Variants in AGRN observed in about 807,000 individuals in gnomAD.
AGRN encodes agrin.
AGRN carries 106 observed loss-of-function variants against 211.0 expected under a neutral mutation model. The observed-to-expected ratio is 0.50, with a 90% CI of 0.43 to 0.59. The LOEUF (loss-of-function observed/expected upper bound fraction) is 0.59, where lower values mean the gene tolerates loss of function less well. AGRN is among the 20% of genes least tolerant of loss of function. The probability of loss-of-function intolerance (pLI) is 0.00; values close to 1 mark genes in which losing one functional copy is unlikely to be tolerated. For missense variants in AGRN, 3,040 were observed against 2,982.6 expected (o/e 1.02, Z -0.45); for synonymous variants, 1,525 against 1,332.5 (o/e 1.14, Z -3.15).
At position 1,042,172 on chromosome 1, in the gene AGRN, C is replaced by G. The variant is rs1293950817; in HGVS notation, c.1384+10C>G. On this transcript the variant is annotated intron_variant, in intron 7 of 35. Transcript: ENST00000379370. ...CACCAGGGCCCGTGTGGTGAGCGCC[C>G]CGGGGTGGAGGCCAGGCGGGGTGGG... 6.3e-7 allele frequency: 1 copy of G among 1,587,388 alleles called. No homozygotes were observed. Among genetic ancestry groups the G allele is most frequent in the East Asian group, 2.2e-5 (1 of 44,486 alleles).
intron 3 of AGRN, among the ~76,000 whole-genome samples, chr1:1,038,324 T>C (rs1644849896): frequency 6.6e-6 from 1 of 152,154 alleles, no homozygotes. Context: ...TCCCGCCAGG[T>C]ACCCAAGGTC....
intron 1 of AGRN, 105 bp from the exon 2 acceptor site, chr1:1,022,096 A>G: frequency 6.9e-7 from 1 of 1,446,634 alleles, no homozygotes; most frequent in Non-Finnish European, 9.6e-7. Flanking sequence ...ATCTCTGCCC[A>G]GGGCTTGAGT....
chr1:1,045,637 G>C (rs974711175), intron 14 of AGRN, 96 bp from the exon 15 acceptor site: 4 of 1,608,016 alleles, frequency 2.5e-6, no homozygotes, highest in Admixed American at 1.7e-5. Context: ...CCTGGCTGGG[G>C]GCTGGGCAGA....
intron 3 of AGRN, among the ~76,000 whole-genome samples, chr1:1,036,041 C>T (rs1170577445): frequency 1.3e-5 from 2 of 151,916 alleles, no homozygotes; most frequent in African/African-American, 2.4e-5. Context: ...GCCTGGGGTC[C>T]TTTCCAGCAG....
intron 7 of AGRN, 42 bp from the exon 8 acceptor site, chr1:1,043,197 G>T (rs200373411): frequency 1.3e-6 from 2 of 1,554,918 alleles, no homozygotes; most frequent in Admixed American, 2.0e-5. Context: ...CTGCAGCGGA[G>T]GGGGGGCTTG....
chr1:1,028,151 G>A (rs1229707230), intron 2 of AGRN, among the ~76,000 whole-genome samples: 1 of 152,190 alleles, frequency 6.6e-6, no homozygotes, highest in Admixed American at 6.5e-5. Context: ...GCATTGAGGG[G>A]TGAAAGCCCG....
chr1:1,053,541 T>C (rs1194189559), intron 33 of AGRN: 2 of 1,528,038 alleles, frequency 1.3e-6, no homozygotes, highest in Non-Finnish European at 1.8e-6. Flanking sequence ...GGCCCATCTG[T>C]CCTCCCGCCC....
Position 1,040,672 on chromosome 1 carries a change from G to A in AGRN, c.519G>A (p.Arg173=). ...PVPPTPPDAC[R]GMLCGFGAVC... ...CTCCCCTACCCGCCCCAGCGTGCCGGGGAATGCTGTGCGGCTTCGGCGCCG... is the reference window on the plus strand; with the variant it reads ...CTCCCCTACCCGCCCCAGCGTGCCGAGGAATGCTGTGCGGCTTCGGCGCCG... The change falls in exon 4 of 36, where the codon CGG becomes CGA. Residue 173 remains arginine, a synonymous_variant. Transcript: ENST00000379370. 15 of 1,547,680 alleles carry A rather than the reference G, an allele frequency of 9.7e-6. No individual in the cohort carries two copies. Among genetic ancestry groups the A allele is most frequent in the Non-Finnish European group, 1.3e-5 (15 of 1,146,410 alleles).
chr1:1,054,031 C>G, intron 34 of AGRN, 54 bp downstream of exon 34: 1 of 1,529,048 alleles, frequency 6.5e-7, no homozygotes, highest in Non-Finnish European at 8.9e-7. Flanking sequence ...CCCAGACTTG[C>G]CCAGCTGGGC....
chr1:1,040,795 C>T lies in AGRN; in HGVS notation c.642C>T (p.Ala214=), dbSNP rs762651327. 57 of 1,539,566 alleles carry T rather than the reference C, an allele frequency of 3.7e-5. No homozygotes were observed. Among genetic ancestry groups the T allele is most frequent in the East Asian group, 1.2e-4 (5 of 41,014 alleles). The change falls in exon 4 of 36, where the codon GCC becomes GCT. Residue 214 remains alanine, a synonymous_variant. Coordinates refer to ENST00000379370, the MANE Select transcript of AGRN (RefSeq NM_198576.4). ...SVVAPVCGSD[A]STYSNECELQ... ...TGGCGCCTGTGTGTGGGTCGGACGCCTCCACCTACAGCAACGAATGCGAGC... is the reference window on the plus strand; with the variant it reads ...TGGCGCCTGTGTGTGGGTCGGACGCTTCCACCTACAGCAACGAATGCGAGC...
At chr1:1,028,577 C>T (rs1311052544) in intron 2 of AGRN, among the ~76,000 whole-genome samples, 1 of 127,862 alleles carries the variant, frequency 7.8e-6, no homozygotes, top group Admixed American at 7.5e-5. Flanking sequence ...CCGAAGGAAC[C>T]GAGCCCCAGC....
At position 1,049,721 on chromosome 1, in the gene AGRN, C is replaced by A; in HGVS notation, c.4670C>A (p.Pro1557His). 1 of 1,583,648 alleles carries A rather than the reference C, an allele frequency of 6.3e-7. No homozygotes were observed. The highest frequency in any genetic ancestry group is 2.3e-5 in the East Asian group (1 of 43,340). Residue 1557 changes from proline (P) to histidine (H), a missense_variant, in exon 26 of 36, where the codon CCC becomes CAC. Pro to His is a moderately conservative substitution (Grantham distance 77). Around this residue, in one of 3 missense-constraint regions of AGRN, gnomAD observed 1,537 missense variants for 1,505.0 expected, o/e 1.02. Coordinates refer to ENST00000379370, the MANE Select transcript of AGRN (RefSeq NM_198576.4). ...ECGDHPCLPN[P>H]CHGGAPCQNL... ...GGGGACCACCCCTGCCTGCCCAACC[C>A]CTGCCATGGCGGGGCCCCATGCCAG... is the stretch of plus-strand genomic sequence containing the variant.
rs1248797985 is a variant in AGRN, at chr1:1,049,321, C to T, written c.4384C>T (p.His1462Tyr). The T allele has an allele frequency of 3.1e-6, 5 of 1,597,008 alleles. No individual in the cohort carries two copies. In the African/African-American group the frequency reaches 4.0e-5, roughly 13 times the overall value. ...GQWHRLELSR[H>Y]WRRGTLSVDG... ...GTGGCACCGCCTGGAGCTGTCCCGGCACTGGCGCCGGGGCACCCTCTCGGT... is the reference window on the plus strand; with the variant it reads ...GTGGCACCGCCTGGAGCTGTCCCGGTACTGGCGCCGGGGCACCCTCTCGGT... The change falls in exon 25 of 36, where the codon CAC (histidine) becomes TAC (tyrosine). Residue 1462 changes from histidine (H) to tyrosine (Y), a missense_variant. Coordinates refer to ENST00000379370, the MANE Select transcript of AGRN (RefSeq NM_198576.4).
intron 2 of AGRN, chr1:1,034,017 A>G (rs1213311762): frequency 1.6e-6 from 1 of 625,278 alleles, no homozygotes; most frequent in Non-Finnish European, 2.0e-6. Context: ...CCCCGCGGGG[A>G]CGAGGGGAGC....
rs750678456 is a variant in AGRN, at chr1:1,042,174, G to C, written c.1384+12G>C. Reference sequence around the variant, plus strand: ...CCAGGGCCCGTGTGGTGAGCGCCCCGGGGTGGAGGCCAGGCGGGGTGGGCT... The same window carrying C: ...CCAGGGCCCGTGTGGTGAGCGCCCCCGGGTGGAGGCCAGGCGGGGTGGGCT... On this transcript the variant is annotated intron_variant, in intron 7 of 35. Coordinates refer to ENST00000379370, the MANE Select transcript of AGRN (RefSeq NM_198576.4). 1.3e-6 allele frequency: 2 copies of C among 1,586,646 alleles called. No individual in the cohort carries two copies. The highest frequency in any genetic ancestry group is 2.2e-5 in the East Asian group (1 of 44,448).
chr1:1,051,714 T>C lies in AGRN; in HGVS notation c.5564-14T>C, dbSNP rs1327448600. The C allele has an allele frequency of 1.9e-6, 3 of 1,613,476 alleles. No homozygotes were observed. Among genetic ancestry groups the C allele is most frequent in the Non-Finnish European group, 2.5e-6 (3 of 1,179,968 alleles). On this transcript the variant is annotated splice_polypyrimidine_tract_variant and intron_variant, in intron 32 of 35. Coordinates refer to ENST00000379370, the MANE Select transcript of AGRN (RefSeq NM_198576.4). Reference sequence around the variant, plus strand: ...GAGCCCACGAGGCCCCACCCTCACCTGCCTATCTCACAGGGCTGGTGGAGA... The same window carrying C: ...GAGCCCACGAGGCCCCACCCTCACCCGCCTATCTCACAGGGCTGGTGGAGA...
At position 1,048,306 on chromosome 1, in the gene AGRN, T is replaced by C. The variant is rs1172078631; in HGVS notation, c.4046T>C (p.Leu1349Ser). The stretch of plus-strand genomic sequence containing the variant: ...GGGGGGACCTGCCAGGACTGGGCAT[T>C]GGGCGGGGGCTTCACCTGCAGCTGC... ...FHGGTCQDWA[L>S]GGGFTCSCPA... Residue 1349 changes from leucine to serine, a missense_variant, in exon 23 of 36, where the codon TTG (leucine) becomes TCG (serine). Physicochemically the swap from Leu to Ser is moderately radical, Grantham distance 145 (BLOSUM62 -2). This residue lies in a region of AGRN where 1,537 missense variants were observed against 1,505.0 expected (regional missense o/e 1.02). Coordinates refer to ENST00000379370, the MANE Select transcript of AGRN (RefSeq NM_198576.4). The surrounding 1 kb of genome is among the most constrained non-coding windows in gnomAD (Gnocchi z 5.9). 9 of 1,498,408 alleles carry C rather than the reference T, an allele frequency of 6.0e-6. No individual in the cohort carries two copies. The South Asian group carries it at 1.1e-4, about 18-fold the overall frequency. The allele number at this position is 1,498,408 out of a possible 1,614,324, so 92.8% of individuals were successfully genotyped here. A position where few individuals can be genotyped will look rare whatever the true frequency, so the allele number is the denominator to read the frequency against.
At position 1,045,982 on chromosome 1, in the gene AGRN, C is replaced by T. The variant is rs748026509; in HGVS notation, c.2699C>T (p.Thr900Ile). Reference sequence around the variant, plus strand: ...GCCCCAGACGCTTCTGCGCCTGCGACCTGTGCGGAGATGCGCTGTGAGTTC... The same window carrying T: ...GCCCCAGACGCTTCTGCGCCTGCGATCTGTGCGGAGATGCGCTGTGAGTTC... ...GCEADASAPA[T>I]CAEMRCEFGA... Residue 900 changes from threonine (T) to isoleucine (I), a missense_variant, in exon 16 of 36, where the codon ACC (threonine) becomes ATC (isoleucine). Thr to Ile is a moderately conservative substitution (Grantham distance 89). This residue lies in a region of AGRN where 1,498 missense variants were observed against 1,457.8 expected (regional missense o/e 1.03). Transcript: ENST00000379370. 15 of 1,613,904 alleles carry T rather than the reference C, an allele frequency of 9.3e-6. No individual in the cohort carries two copies. The highest frequency in any genetic ancestry group is 9.3e-6 in the Non-Finnish European group (11 of 1,180,008).
Position 1,049,670 on chromosome 1 carries a change from C to T in AGRN, c.4619C>T (p.Thr1540Ile), listed in dbSNP as rs767213958. The change falls in exon 26 of 36, where the codon ACC becomes ATC. Residue 1540 changes from threonine to isoleucine, a missense_variant. This residue lies in a region of AGRN where 1,537 missense variants were observed against 1,505.0 expected (regional missense o/e 1.02). Transcript: ENST00000379370. ...LELGIGPGAA[T>I]RGSGVGECGD... ...CTTGGCATTGGGCCGGGGGCTGCCA[C>T]CCGAGGCTCTGGCGTGGGCGAGTGC... 6.3e-7 allele frequency: 1 copy of T among 1,577,520 alleles called. No homozygotes were observed. Among genetic ancestry groups the T allele is most frequent in the Admixed American group, 1.9e-5 (1 of 53,766 alleles).
Sources: allele counts gnomAD v4.1 joint callset (sites outside exome capture counted in the v4.1 genomes callset), GRCh38; gene constraint gnomAD v4.1.1; regional missense constraint gnomAD v4.1.1; non-coding constraint Gnocchi (gnomAD v3.1); transcripts MANE v1.5; gene names NCBI Gene and HGNC (gene_info 2026-07-23, HGNC 2026-07-21).